Variants in SDK1 observed in about 807,000 individuals in gnomAD.
The protein encoded by SDK1 is sidekick cell adhesion molecule 1.
Under a neutral mutation model 245.5 loss-of-function variants are expected in SDK1, and 157 were observed. The ratio of observed to expected loss-of-function variants is 0.64; its 90% CI spans 0.56 to 0.73. SDK1 has a LOEUF of 0.73. Ranked by LOEUF, SDK1 falls within the 30% of genes least tolerant of loss-of-function variation. The pLI, the probability that SDK1 is intolerant of heterozygous loss-of-function variation, is 0.00. For missense variants in SDK1, 3,583 were observed against 3,002.3 expected, an observed-to-expected ratio of 1.19 and a Z score of -4.52; for synonymous variants, 1,647 against 1,278.5, an observed-to-expected ratio of 1.29 and a Z score of -6.15.
intron 4 of SDK1, among the ~76,000 whole-genome samples, chr7:3,761,844 C>T (rs1424077453): frequency 1.3e-5 from 2 of 152,032 alleles, no homozygotes; most frequent in African/African-American, 4.8e-5. Flanking sequence ...AGTATGAAGC[C>T]TTTGTATTTG....
At chr7:3,698,264 C>A (rs1449160416) in intron 4 of SDK1, among the ~76,000 whole-genome samples, 2 of 152,220 alleles carry the variant, frequency 1.3e-5, no homozygotes, top group Admixed American at 1.3e-4. Flanking sequence ...CTTAGACTTT[C>A]AGCGTGACCC....
At position 3,987,341 on chromosome 7, in the gene SDK1, C is replaced by G. The variant is rs369929330; in HGVS notation, c.2131+19C>G. On this transcript the variant is annotated intron_variant, in intron 14 of 44. Coordinates refer to ENST00000404826, the MANE Select transcript of SDK1 (RefSeq NM_152744.4). The stretch of plus-strand genomic sequence containing the variant: ...GAAAACAGTAAGTAGCAAAATGAAA[C>G]TGTCACCATGGACGATAATCAGATT... The G allele has an allele frequency of 6.2e-7, 1 of 1,612,316 alleles. No individual in the cohort carries two copies. Among genetic ancestry groups the G allele is most frequent in the Non-Finnish European group, 8.5e-7 (1 of 1,178,730 alleles).
intron 44 of SDK1, among the ~76,000 whole-genome samples, chr7:4,252,367 AC>A (rs1242344496): frequency 6.6e-6 from 1 of 151,852 alleles, no homozygotes; most frequent in African/African-American, 2.4e-5. Flanking sequence ...TTCATCCATG[AC>A]CCTACAAAGG....
In SDK1 at chr7:4,049,334, C is replaced by T; in HGVS notation, c.2603-14C>T. On this transcript the variant is annotated splice_polypyrimidine_tract_variant and intron_variant, in intron 17 of 44. Coordinates refer to ENST00000404826, the MANE Select transcript of SDK1 (RefSeq NM_152744.4). ...CCATTTGTTCTGCTGTCATCAATGA[C>T]TGCCCTGCCACAGTGCCCACCGCGC... 1.2e-6 allele frequency: 2 copies of T among 1,608,152 alleles called. No homozygotes were observed. The highest frequency in any genetic ancestry group is 1.1e-5 in the South Asian group (1 of 90,942).
At chr7:3,332,232 G>A in intron 1 of SDK1, among the ~76,000 whole-genome samples, 1 of 152,250 alleles carries the variant, frequency 6.6e-6, no homozygotes, top group Middle Eastern at 3.4e-3. Context: ...ATAGTTTTAA[G>A]TCTCCTTATT....
At chr7:3,731,313 G>A (rs75857255) in intron 4 of SDK1, among the ~76,000 whole-genome samples, 1 of 152,176 alleles carries the variant, frequency 6.6e-6, no homozygotes, top group Admixed American at 6.5e-5. Context: ...GCTTCTACAA[G>A]CTGCTGCTTA....
rs111812748 is a variant in SDK1, at chr7:3,406,171, T to C, written c.298+104287T>C. On this transcript the variant is annotated intron_variant, in intron 1 of 44. Coordinates refer to ENST00000404826, the MANE Select transcript of SDK1 (RefSeq NM_152744.4). ...CAAGTTAAGTGGTTAATCCACGTGA[T>C]TTTTGTTCTCATTTAAAATCCTATG... is the stretch of plus-strand genomic sequence containing the variant. Among the ~76,000 whole-genome samples, 1,401 of 152,312 alleles carry C rather than the reference T, an allele frequency of 9.2e-3. 28 individuals are homozygous for C. The highest frequency in any genetic ancestry group is 0.032 in the African/African-American group (1,322 of 41,570).
intron 1 of SDK1, among the ~76,000 whole-genome samples, chr7:3,608,734 C>G (rs948313153): frequency 2.6e-5 from 4 of 152,170 alleles, no homozygotes; most frequent in Non-Finnish European, 4.4e-5. Context: ...ACAGGACAGT[C>G]TGAAAGATGT....
At chr7:3,656,916 T>A (rs1302717018) in intron 4 of SDK1, among the ~76,000 whole-genome samples, 1 of 150,446 alleles carries the variant, frequency 6.6e-6, no homozygotes, top group Non-Finnish European at 1.5e-5. Context: ...CCCGGCTAAT[T>A]TTTTGTATTT....
At chr7:3,437,470 A>C (rs182658621) in intron 1 of SDK1, among the ~76,000 whole-genome samples, 1 of 152,316 alleles carries the variant, frequency 6.6e-6, no homozygotes, top group East Asian at 1.9e-4. Flanking sequence ...ATGTGCCAGC[A>C]GTCAAAATTA....
intron 17 of SDK1, among the ~76,000 whole-genome samples, chr7:4,018,877 C>A (rs1047501774): frequency 2.0e-5 from 3 of 152,152 alleles, no homozygotes; most frequent in African/African-American, 7.2e-5. Context: ...CAGAGAATGG[C>A]AGCAGGGACT....
chr7:4,115,964 GA>G (rs376905200), intron 25 of SDK1, among the ~76,000 whole-genome samples: 48 of 152,348 alleles, frequency 3.2e-4, no homozygotes, highest in African/African-American at 1.1e-3. Flanking sequence ...TCAGCAGGAG[GA>G]GGCGGATGAC....
chr7:4,116,443 C>T (rs75231782), intron 25 of SDK1, among the ~76,000 whole-genome samples: 3,054 of 152,302 alleles, frequency 0.02, 98 homozygotes, highest in African/African-American at 0.07. Context: ...GCTCTGTGTG[C>T]CACAGCGTGG....
intron 4 of SDK1, among the ~76,000 whole-genome samples, chr7:3,793,850 CT>C (rs1778885045): frequency 6.6e-6 from 1 of 152,120 alleles, no homozygotes; most frequent in South Asian, 2.1e-4. Flanking sequence ...TGGCAGTCAC[CT>C]TGGAAGATGT....
intron 1 of SDK1, among the ~76,000 whole-genome samples, chr7:3,488,649 C>T (rs557569249): frequency 6.6e-6 from 1 of 152,124 alleles, no homozygotes; most frequent in Non-Finnish European, 1.5e-5. Flanking sequence ...TAATGAAAAA[C>T]CAACTGAAAA....
intron 4 of SDK1, among the ~76,000 whole-genome samples, chr7:3,734,306 C>T (rs1279683143): frequency 6.6e-6 from 1 of 152,198 alleles, no homozygotes; most frequent in Admixed American, 6.5e-5. Context: ...TACATGAATT[C>T]TGTGACTTAA....
At chr7:3,457,298 G>T (rs987600664) in intron 1 of SDK1, among the ~76,000 whole-genome samples, 1 of 152,140 alleles carries the variant, frequency 6.6e-6, no homozygotes, top group Non-Finnish European at 1.5e-5. Flanking sequence ...TGTCCCTTCA[G>T]TCTTGGCCTT....
intron 4 of SDK1, among the ~76,000 whole-genome samples, chr7:3,747,773 T>C (rs1426489812): frequency 1.3e-5 from 2 of 151,576 alleles, no homozygotes; most frequent in Admixed American, 6.6e-5. Flanking sequence ...AGAGGAGTGG[T>C]AAGAGGCAGG....
At position 3,800,564 on chromosome 7, in the gene SDK1, C is replaced by G. The variant is rs1026210007; in HGVS notation, c.714-20886C>G. Among the ~76,000 whole-genome samples the G allele has an allele frequency of 1.4e-4, 21 of 151,892 alleles. No homozygotes were observed. In the South Asian group the frequency reaches 3.1e-3, roughly 23 times the overall value. Reference sequence around the variant, plus strand: ...ACCCGGCTAATTTTTTGTATTTTTACTAGAGACGGGTTAACCAGGATGGTC... The same window carrying G: ...ACCCGGCTAATTTTTTGTATTTTTAGTAGAGACGGGTTAACCAGGATGGTC... On this transcript the variant is annotated intron_variant, in intron 4 of 44. Coordinates refer to ENST00000404826, the MANE Select transcript of SDK1 (RefSeq NM_152744.4).
Sources: gnomAD v4.1 joint callset for allele counts (sites outside exome capture counted in the v4.1 genomes callset) on GRCh38, gnomAD v4.1.1 for gene constraint, MANE v1.5 for transcripts, NCBI Gene and HGNC (gene_info 2026-07-23, HGNC 2026-07-21) for gene names.